The following PCDH15 variants were observed in gnomAD, a reference collection of about 807,000 sequenced individuals.
PCDH15 encodes the protein protocadherin-15.
In PCDH15, 129 loss-of-function variants were observed where a neutral mutation model predicts 178.5. The ratio of observed to expected loss-of-function variants is 0.72; its 90% CI spans 0.63 to 0.84. PCDH15 has a LOEUF of 0.84. Among genes scored for constraint, PCDH15 ranks in the 40% least tolerant of loss-of-function variants. The probability of loss-of-function intolerance (pLI) is 0.00; values close to 1 mark genes in which losing one functional copy is unlikely to be tolerated. For missense variants in PCDH15, 2,230 were observed against 2,099.9 expected (o/e 1.06, Z -1.21); for synonymous variants, 800 against 732.0 (o/e 1.09, Z -1.50).
chr10:54,733,302 A>T (rs1943656161), intron 1 of PCDH15, among the ~76,000 whole-genome samples: 1 of 151,696 alleles, frequency 6.6e-6, no homozygotes, highest in African/African-American at 2.4e-5. Context: ...CAGGATACAA[A>T]AATCAACTGC....
chr10:54,866,287 A>G (rs1953940826), intron 3 of PCDH15, among the ~76,000 whole-genome samples: 1 of 152,222 alleles, frequency 6.6e-6, no homozygotes, highest in Admixed American at 6.5e-5. Flanking sequence ...TATGCCAACT[A>G]TTAAAAGTCT....
chr10:54,189,437 C>T (rs781611499), intron 11 of PCDH15: 49 of 1,318,582 alleles, frequency 3.7e-5, no homozygotes, highest in Middle Eastern at 1.9e-4. Context: ...TGATCACAAC[C>T]GCACATATGA....
chr10:54,866,641 CTT>C (rs1204077845), intron 3 of PCDH15, among the ~76,000 whole-genome samples: 1 of 152,020 alleles, frequency 6.6e-6, no homozygotes, highest in African/African-American at 2.4e-5. Flanking sequence ...TTATTAATTT[CTT>C]TTCTTTTTAA....
chr10:54,343,313 G>A (rs1257146530), intron 6 of PCDH15, among the ~76,000 whole-genome samples: 1 of 152,018 alleles, frequency 6.6e-6, no homozygotes, highest in Admixed American at 6.5e-5. Context: ...AGGTCTGATG[G>A]TTTAATAGTG....
chr10:54,999,257 AC>A (rs1839732840), intron 2 of PCDH15, among the ~76,000 whole-genome samples: 1 of 152,148 alleles, frequency 6.6e-6, no homozygotes, highest in Non-Finnish European at 1.5e-5. Context: ...ACCTCTGATG[AC>A]CTAGAGAGCT....
At chr10:55,233,103 A>G (rs1029049878) in intron 1 of PCDH15, among the ~76,000 whole-genome samples, 1 of 152,090 alleles carries the variant, frequency 6.6e-6, no homozygotes, top group Non-Finnish European at 1.5e-5. Context: ...ATGATGTTAT[A>G]CTTCTGTATA....
At chr10:55,201,927 A>C (rs1320070649) in intron 1 of PCDH15, among the ~76,000 whole-genome samples, 1 of 152,164 alleles carries the variant, frequency 6.6e-6, no homozygotes, top group East Asian at 1.9e-4. Flanking sequence ...CTTTCAAAGA[A>C]TTTAAAGTTT....
At chr10:53,989,864 T>G (rs565972055) in intron 21 of PCDH15, among the ~76,000 whole-genome samples, 1 of 152,254 alleles carries the variant, frequency 6.6e-6, no homozygotes, top group African/African-American at 2.4e-5. Flanking sequence ...AGTAGTGATA[T>G]CAATTGAAAA....
At chr10:54,698,612 C>T (rs2095266540) in intron 1 of PCDH15, among the ~76,000 whole-genome samples, 1 of 152,100 alleles carries the variant, frequency 6.6e-6, no homozygotes. Flanking sequence ...CATTTCAAAA[C>T]TATATAAATT....
At chr10:55,448,179 C>T (rs532759907) in intron 2 of PCDH15, among the ~76,000 whole-genome samples, 2 of 152,058 alleles carry the variant, frequency 1.3e-5, no homozygotes, top group African/African-American at 4.8e-5. Context: ...ACAGGGGGAT[C>T]GTAATTCCAT....
chr10:54,261,930 C>G (rs1357445676), intron 8 of PCDH15, among the ~76,000 whole-genome samples: 1 of 152,128 alleles, frequency 6.6e-6, no homozygotes, highest in African/African-American at 2.4e-5. Flanking sequence ...AGAGGTGACA[C>G]AGACACCATG....
intron 1 of PCDH15, among the ~76,000 whole-genome samples, chr10:55,189,443 C>A (rs1354175049): frequency 6.6e-6 from 1 of 151,776 alleles, no homozygotes; most frequent in Non-Finnish European, 1.5e-5. Flanking sequence ...CAAACCATTT[C>A]TTGCTATAGA....
chr10:54,972,494 C>T (rs981803556), intron 2 of PCDH15, among the ~76,000 whole-genome samples: 1 of 151,312 alleles, frequency 6.6e-6, no homozygotes, highest in Admixed American at 6.6e-5. Flanking sequence ...GAGCTGAGAT[C>T]GCGTTATTGC....
intron 5 of PCDH15, among the ~76,000 whole-genome samples, chr10:54,361,219 G>A (rs968738276): frequency 1.3e-5 from 2 of 152,014 alleles, no homozygotes; most frequent in African/African-American, 4.8e-5. Context: ...TTCCATCTAT[G>A]CTTAGTTGAA....
intron 2 of PCDH15, among the ~76,000 whole-genome samples, chr10:55,508,808 C>T (rs1181612149): frequency 6.6e-6 from 1 of 151,438 alleles, no homozygotes; most frequent in African/African-American, 2.4e-5. Context: ...ATAAAGAAAT[C>T]AGGTAAAGTG....
chr10:55,135,786 G>A (rs1003245097), intron 2 of PCDH15, among the ~76,000 whole-genome samples: 9 of 151,786 alleles, frequency 5.9e-5, no homozygotes, highest in African/African-American at 2.2e-4. Flanking sequence ...GTCTCACCAT[G>A]TTGGCCAGGC....
intron 15 of PCDH15, among the ~76,000 whole-genome samples, chr10:54,094,279 T>A (rs2136092189): frequency 6.6e-6 from 1 of 152,304 alleles, no homozygotes; most frequent in Non-Finnish European, 1.5e-5. Flanking sequence ...AAAATGAAGT[T>A]AAAAATTAAT....
intron 2 of PCDH15, among the ~76,000 whole-genome samples, chr10:55,007,891 A>G (rs1839969518): frequency 6.6e-6 from 1 of 152,194 alleles, no homozygotes; most frequent in Non-Finnish European, 1.5e-5. Flanking sequence ...AACTAAATAC[A>G]AAAACCTGCA....
At chr10:55,180,490 C>T (rs1839618498) in intron 1 of PCDH15, among the ~76,000 whole-genome samples, 1 of 152,094 alleles carries the variant, frequency 6.6e-6, no homozygotes, top group Admixed American at 6.6e-5. Flanking sequence ...TATTAATTCA[C>T]TCATCTATTC....
Sources: allele counts gnomAD v4.1 joint callset (sites outside exome capture counted in the v4.1 genomes callset), GRCh38; gene constraint gnomAD v4.1.1; transcripts MANE v1.5; gene names NCBI Gene and HGNC (gene_info 2026-07-23, HGNC 2026-07-21).